The following DLG2 variants were observed in gnomAD, a reference collection of about 807,000 sequenced individuals.
The protein encoded by DLG2 is disks large homolog 2.
A neutral mutation model predicts 132.5 loss-of-function variants in DLG2; 45 were observed. The observed-to-expected ratio is 0.34, with a 90% CI of 0.27 to 0.44. The LOEUF (loss-of-function observed/expected upper bound fraction) is 0.44. DLG2 is among the 20% of genes least tolerant of loss of function. The pLI, the probability that DLG2 is intolerant of heterozygous loss-of-function variation, is 1.00. For synonymous variants in DLG2, 424 were observed against 419.6 expected (o/e 1.01, Z -0.13); for missense variants, 1,045 against 1,196.9 (o/e 0.87, Z 1.87).
At chr11:83,977,010 T>C (rs561948429) in intron 12 of DLG2, among the ~76,000 whole-genome samples, 1 of 152,070 alleles carries the variant, frequency 6.6e-6, no homozygotes, top group African/African-American at 2.4e-5. Flanking sequence ...AGTGTATAAA[T>C]AACATTAATT....
chr11:83,976,379 G>C (rs1178924003), intron 12 of DLG2, among the ~76,000 whole-genome samples: 2 of 151,902 alleles, frequency 1.3e-5, no homozygotes, highest in African/African-American at 4.8e-5. Flanking sequence ...AGCATATTTA[G>C]AGAAAAATAT....
intron 6 of DLG2, among the ~76,000 whole-genome samples, chr11:84,589,168 T>C (rs1373008366): frequency 6.6e-6 from 1 of 152,102 alleles, no homozygotes; most frequent in Admixed American, 6.5e-5. Flanking sequence ...GTCTTTGAGA[T>C]GCTGGAAAGT....
intron 6 of DLG2, among the ~76,000 whole-genome samples, chr11:84,698,068 T>A (rs1369029728): frequency 6.6e-6 from 1 of 151,536 alleles, no homozygotes; most frequent in Non-Finnish European, 1.5e-5. Context: ...CATATTTCAC[T>A]TGAAATTCTT....
chr11:83,990,011 G>A (rs773176775), intron 11 of DLG2, among the ~76,000 whole-genome samples: 16 of 152,146 alleles, frequency 1.1e-4, no homozygotes, highest in Non-Finnish European at 2.2e-4. Context: ...AGTGAACAGA[G>A]TTGGTAGTTC....
At chr11:83,803,973 T>C (rs1411795555) in intron 17 of DLG2, among the ~76,000 whole-genome samples, 9 of 152,118 alleles carry the variant, frequency 5.9e-5, no homozygotes, top group Non-Finnish European at 1.3e-4. Flanking sequence ...TGACATTCTT[T>C]TGTGTTTGGG....
chr11:83,871,885 T>C (rs1156401368), intron 16 of DLG2, among the ~76,000 whole-genome samples: 1 of 152,196 alleles, frequency 6.6e-6, no homozygotes, highest in Non-Finnish European at 1.5e-5. Context: ...TAAATTTTGT[T>C]TTTTTTCAGA....
chr11:84,099,196 CAAAG>C, intron 9 of DLG2, 149 bp from the exon 10 acceptor site: 1 of 652,266 alleles, frequency 1.5e-6, no homozygotes, highest in East Asian at 2.9e-5. Flanking sequence ...AGTTAGCAGA[CAAAG>C]GAAGGTCAGG....
chr11:83,880,209 A>G (rs1211586444), intron 15 of DLG2, among the ~76,000 whole-genome samples: 4 of 152,126 alleles, frequency 2.6e-5, no homozygotes, highest in Non-Finnish European at 4.4e-5. Context: ...AGTGGGGGGA[A>G]TAAAGGGGTC....
intron 9 of DLG2, among the ~76,000 whole-genome samples, chr11:84,151,062 G>C (rs1394577630): frequency 2.0e-5 from 3 of 152,060 alleles, no homozygotes; most frequent in Admixed American, 6.6e-5. Flanking sequence ...ATATTGGCTT[G>C]AAGTTGTCTT....
intron 8 of DLG2, among the ~76,000 whole-genome samples, chr11:84,247,318 T>G (rs1201360283): frequency 6.6e-6 from 1 of 152,162 alleles, no homozygotes; most frequent in African/African-American, 2.4e-5. Context: ...TGAGTCAACC[T>G]TCAGGGAACT....
chr11:85,500,939 A>C (rs2093786653), intron 3 of DLG2, among the ~76,000 whole-genome samples: 1 of 152,206 alleles, frequency 6.6e-6, no homozygotes, highest in Admixed American at 6.5e-5. Flanking sequence ...ATATGCAACC[A>C]TAAAAGAGCT....
intron 19 of DLG2, among the ~76,000 whole-genome samples, chr11:83,580,855 C>G (rs1285189597): frequency 7.9e-6 from 1 of 127,368 alleles, no homozygotes; most frequent in African/African-American, 3.0e-5. Flanking sequence ...CTCCCCTTCC[C>G]CTTACTTCCT....
At chr11:85,187,129 C>A (rs1203323809) in intron 4 of DLG2, among the ~76,000 whole-genome samples, 1 of 152,096 alleles carries the variant, frequency 6.6e-6, no homozygotes, top group African/African-American at 2.4e-5. Flanking sequence ...CTCGAAATCA[C>A]ATCTCAGTGG....
chr11:83,962,760 A>T, intron 14 of DLG2, 125 bp downstream of exon 14: 1 of 1,249,484 alleles, frequency 8.0e-7, no homozygotes, highest in Non-Finnish European at 1.1e-6. Flanking sequence ...AGGCAAAACT[A>T]CAATAAGGTT....
intron 6 of DLG2, among the ~76,000 whole-genome samples, chr11:85,024,498 AG>A (rs1365168786): frequency 6.6e-6 from 1 of 152,202 alleles, no homozygotes; most frequent in Admixed American, 6.5e-5. Flanking sequence ...GCATAAATGC[AG>A]GCCCCCAAAG....
At chr11:83,869,095 A>G (rs1039634920) in intron 16 of DLG2, among the ~76,000 whole-genome samples, 4 of 152,220 alleles carry the variant, frequency 2.6e-5, no homozygotes, top group Admixed American at 2.0e-4. Context: ...ATCACTTCGT[A>G]TATGAGATAA....
chr11:83,733,945 C>CA (rs1257098869), intron 18 of DLG2, among the ~76,000 whole-genome samples: 2 of 148,460 alleles, frequency 1.3e-5, no homozygotes, highest in Non-Finnish European at 3.0e-5. Context: ...CCCAAGTCTC[C>CA]AGTGTCTACT....
At chr11:85,484,059 T>C (rs1188829350) in intron 3 of DLG2, among the ~76,000 whole-genome samples, 1 of 152,002 alleles carries the variant, frequency 6.6e-6, no homozygotes, top group Non-Finnish European at 1.5e-5. Context: ...ACGAGACCGA[T>C]AGTCAACAAG....
chr11:85,133,881 G>A (rs373770117), intron 5 of DLG2, among the ~76,000 whole-genome samples: 10 of 152,020 alleles, frequency 6.6e-5, no homozygotes, highest in East Asian at 3.9e-4. Context: ...CTACATAGAC[G>A]GCCTTTGAGG....
Sources: allele counts gnomAD v4.1 joint callset (sites outside exome capture counted in the v4.1 genomes callset), GRCh38; gene constraint gnomAD v4.1.1; transcripts MANE v1.5; gene names NCBI Gene and HGNC (gene_info 2026-07-23, HGNC 2026-07-21).